Variants in RABGAP1L observed in about 807,000 individuals in gnomAD.
RABGAP1L encodes rab GTPase-activating protein 1-like.
Under a neutral mutation model 137.7 loss-of-function variants are expected in RABGAP1L, and 63 were observed. That is an observed-to-expected ratio of 0.46 (90% CI 0.37 to 0.56). The LOEUF is 0.56. Ranked by LOEUF, RABGAP1L falls within the 20% of genes least tolerant of loss-of-function variation. The pLI is 0.00. For synonymous variants in RABGAP1L, 431 were observed against 433.7 expected (o/e 0.99, Z 0.08); for missense variants, 1,095 against 1,244.0 (o/e 0.88, Z 1.80).
intron 18 of RABGAP1L, among the ~76,000 whole-genome samples, chr1:174,805,173 G>A (rs536968470): frequency 5.9e-5 from 9 of 152,192 alleles, no homozygotes; most frequent in East Asian, 5.8e-4. Flanking sequence ...AATTTATGTC[G>A]ATATCTATTA....
intron 19 of RABGAP1L, among the ~76,000 whole-genome samples, chr1:174,919,967 T>C (rs1176965618): frequency 6.6e-6 from 1 of 152,244 alleles, no homozygotes; most frequent in Non-Finnish European, 1.5e-5. Context: ...CTGGCATTTA[T>C]TGGGTGTATA....
At chr1:174,937,273 C>A (rs919424400) in intron 19 of RABGAP1L, among the ~76,000 whole-genome samples, 1 of 146,444 alleles carries the variant, frequency 6.8e-6, no homozygotes, top group African/African-American at 2.6e-5. Flanking sequence ...GCTACCAAGC[C>A]CAGCCAAGAT....
intron 11 of RABGAP1L, among the ~76,000 whole-genome samples, chr1:174,363,092 A>G (rs1684288106): frequency 6.6e-6 from 1 of 152,056 alleles, no homozygotes; most frequent in South Asian, 2.1e-4. Flanking sequence ...AGATAGTTGT[A>G]GATGTGTGGT....
At chr1:174,511,657 T>C (rs1662354773) in intron 13 of RABGAP1L, among the ~76,000 whole-genome samples, 1 of 151,576 alleles carries the variant, frequency 6.6e-6, no homozygotes, top group African/African-American at 2.4e-5. Context: ...AGTTTCACTC[T>C]TGTTGCCCAG....
chr1:174,430,603 A>G (rs1558227282), intron 13 of RABGAP1L, among the ~76,000 whole-genome samples: 2 of 152,208 alleles, frequency 1.3e-5, no homozygotes, highest in Admixed American at 6.5e-5. Context: ...GGAAGTATGA[A>G]AGCAAGTTAG....
At position 174,608,771 on chromosome 1, in the gene RABGAP1L, A is replaced by G. The variant is rs187072526; in HGVS notation, c.1711-28604A>G. 4.1e-3 allele frequency among the ~76,000 whole-genome samples: 623 copies of G among 152,296 alleles called. 1 individual carries two copies. Among genetic ancestry groups the G allele is most frequent in the Non-Finnish European group, 6.3e-3 (430 of 68,004 alleles). On this transcript the variant is annotated intron_variant, in intron 13 of 25. Coordinates refer to ENST00000681986, the MANE Select transcript of RABGAP1L (RefSeq NM_001366446.1). ...AATAGTGCTTCAGGTAGATTAACCT[A>G]AAAGTACTGTACAGACTGATTGAAG... is the stretch of plus-strand genomic sequence containing the variant.
chr1:174,821,333 G>A (rs1018537274), intron 19 of RABGAP1L, among the ~76,000 whole-genome samples: 4 of 152,044 alleles, frequency 2.6e-5, no homozygotes, highest in Admixed American at 6.5e-5. Flanking sequence ...TTCCTACCCC[G>A]TGCTAAAGAG....
chr1:174,514,144 T>C (rs1362963601), intron 13 of RABGAP1L, among the ~76,000 whole-genome samples: 2 of 147,910 alleles, frequency 1.4e-5, no homozygotes, highest in Non-Finnish European at 3.0e-5. Context: ...TACTATTAGA[T>C]AAGAAGTTGC....
intron 19 of RABGAP1L, among the ~76,000 whole-genome samples, chr1:174,854,860 C>T (rs1649028232): frequency 6.7e-6 from 1 of 150,112 alleles, no homozygotes; most frequent in South Asian, 2.1e-4. Flanking sequence ...GCCTCAGCCT[C>T]CTGAGTAGCT....
In RABGAP1L at chr1:174,448,329, ATT is replaced by A; in HGVS notation, c.1710+54185_1710+54186del. 6.2e-7 allele frequency: 1 copy of A among 1,613,748 alleles called. No homozygotes were observed. Among genetic ancestry groups the A allele is most frequent in the Non-Finnish European group, 8.5e-7 (1 of 1,179,686 alleles). The stretch of plus-strand genomic sequence containing the variant: ...TTTCATTGTGCTCCACTGTTACATC[ATT>A]ATACTACCAGCTATTTCATTCAGAC... On this transcript the variant is annotated intron_variant, in intron 13 of 25. Transcript: ENST00000681986. The surrounding 1 kb of genome is among the most constrained non-coding windows in gnomAD (Gnocchi z 4.2).
In RABGAP1L at chr1:174,633,220, G is replaced by A. The variant is rs550225778; in HGVS notation, c.1711-4155G>A. Among the ~76,000 whole-genome samples the A allele has an allele frequency of 4.9e-3, 724 of 148,596 alleles. 6 individuals carry two copies. The highest frequency in any genetic ancestry group is 0.016 in the African/African-American group (628 of 39,960). On this transcript the variant is annotated intron_variant, in intron 13 of 25. Coordinates refer to ENST00000681986, the MANE Select transcript of RABGAP1L (RefSeq NM_001366446.1). ...CAAAATCAATGTACAAAAATCACAA[G>A]CATTCTTATACACCAACAACAGACA...
intron 11 of RABGAP1L, among the ~76,000 whole-genome samples, chr1:174,339,348 C>T (rs1681761478): frequency 2.0e-5 from 3 of 152,216 alleles, no homozygotes; most frequent in Admixed American, 2.0e-4. Context: ...GCTAGTATTT[C>T]ATTATACAGG....
rs1247422443 is a variant in RABGAP1L at position 174,946,938 on chromosome 1, ATATGTGTGTGTGTG to A, written c.2341-10517_2341-10504del. 1.8e-4 allele frequency among the ~76,000 whole-genome samples: 12 copies of A among 65,396 alleles called. 1 individual carries two copies. The highest frequency in any genetic ancestry group is 1.6e-3 in the South Asian group (3 of 1,896). The allele number at this position is 65,396 out of a possible 152,430, so 42.9% of individuals were successfully genotyped here. On this transcript the variant is annotated intron_variant, in intron 19 of 25. Transcript: ENST00000681986. ...AAAAAATATATATATATATATATAT[ATATGTGTGTGTGTG>A]TGTGTGTGTGTGTGTGTGTGTGTGT...
In RABGAP1L at chr1:174,393,980, T is replaced by A; in HGVS notation, c.1560-15T>A. ...GTAAAGGAAGTGTGAATGGATTATT[T>A]TCTTGTCTTCTCAGGCACAGTAACC... On this transcript the variant is annotated splice_polypyrimidine_tract_variant and intron_variant, in intron 12 of 25. Coordinates refer to ENST00000681986, the MANE Select transcript of RABGAP1L (RefSeq NM_001366446.1). The A allele has an allele frequency of 1.2e-6, 2 of 1,610,134 alleles. No homozygotes were observed. Among genetic ancestry groups the A allele is most frequent in the Non-Finnish European group, 1.7e-6 (2 of 1,178,414 alleles).
intron 19 of RABGAP1L, among the ~76,000 whole-genome samples, chr1:174,907,747 A>G (rs1484300312): frequency 6.6e-6 from 1 of 152,220 alleles, no homozygotes; most frequent in Non-Finnish European, 1.5e-5. Context: ...CCTATTAGGT[A>G]GGAAGAAAGA....
At chr1:174,252,310 G>A in intron 6 of RABGAP1L, 170 bp from the exon 7 acceptor site, 1 of 691,468 alleles carries the variant, frequency 1.4e-6, no homozygotes, top group Non-Finnish European at 2.2e-6. Flanking sequence ...AAAGTTTATA[G>A]TCAAATAAAA....
At chr1:174,747,316 TG>T (rs1683950365) in intron 17 of RABGAP1L, among the ~76,000 whole-genome samples, 1 of 150,910 alleles carries the variant, frequency 6.6e-6, no homozygotes, top group Non-Finnish European at 1.5e-5. Context: ...TTGAGAGGAT[TG>T]CTTGAGCCTG....
chr1:174,618,204 C>G (rs1672088323), intron 13 of RABGAP1L, among the ~76,000 whole-genome samples: 2 of 152,196 alleles, frequency 1.3e-5, no homozygotes, highest in African/African-American at 4.8e-5. Context: ...TCTGTAGACT[C>G]CACCTCTGGG....
chr1:174,254,926 A>G (rs933504869), intron 7 of RABGAP1L, among the ~76,000 whole-genome samples: 1 of 152,174 alleles, frequency 6.6e-6, no homozygotes, highest in Non-Finnish European at 1.5e-5. Context: ...GTCTTCCACA[A>G]TGGTTGAACT....
Sources: gnomAD v4.1 joint callset for allele counts (sites outside exome capture counted in the v4.1 genomes callset) on GRCh38, gnomAD v4.1.1 for gene constraint, Gnocchi (gnomAD v3.1) non-coding constraint, MANE v1.5 for transcripts, NCBI Gene and HGNC (gene_info 2026-07-23, HGNC 2026-07-21) for gene names.